Variants in THSD7B observed in about 807,000 individuals in gnomAD.
THSD7B encodes thrombospondin type 1 domain containing 7B.
In THSD7B, 138 loss-of-function variants were observed where a neutral mutation model predicts 213.6. The ratio of observed to expected loss-of-function variants is 0.65; its 90% confidence interval spans 0.56 to 0.74. THSD7B has a LOEUF of 0.74. Among genes scored for constraint, THSD7B ranks in the 30% least tolerant of loss-of-function variants. THSD7B has a pLI of 0.00. For missense variants in THSD7B, 1,931 were observed against 1,991.5 expected, an observed-to-expected ratio of 0.97 and a Z score of 0.58; for synonymous variants, 742 against 687.0, an observed-to-expected ratio of 1.08 and a Z score of -1.25.
chr2:137,069,618 A>G (rs1006178836), intron 3 of THSD7B, among the ~76,000 whole-genome samples: 3 of 151,922 alleles, frequency 2.0e-5, no homozygotes, highest in Non-Finnish European at 2.9e-5. Context: ...AAGGATAATA[A>G]ATTTTAAGAC....
chr2:137,304,897 A>G (rs192603750), intron 12 of THSD7B, among the ~76,000 whole-genome samples: 1 of 152,258 alleles, frequency 6.6e-6, no homozygotes, highest in Non-Finnish European at 1.5e-5. Context: ...CATAATGTAC[A>G]TGAGTAGCTT....
chr2:137,673,438 G>A (rs965138723), intron 27 of THSD7B, among the ~76,000 whole-genome samples: 7 of 152,192 alleles, frequency 4.6e-5, no homozygotes, highest in Admixed American at 4.6e-4. Flanking sequence ...GTCCACCTGG[G>A]CACAGGATGA....
chr2:137,071,315 T>TG (rs764311848), intron 3 of THSD7B, among the ~76,000 whole-genome samples: 8 of 152,248 alleles, frequency 5.3e-5, no homozygotes, highest in Non-Finnish European at 1.0e-4. Context: ...CCAGTGATGA[T>TG]GAGCATTTCT....
In THSD7B at chr2:137,176,376, T is replaced by G. The variant is rs537455323; in HGVS notation, c.1723+5438T>G. ...TTTTTAAGAAAGTAACTATCATTTT[T>G]TCTTATGCTATCAATTTTTTATTTG... On this transcript the variant is annotated intron_variant, in intron 7 of 27. Coordinates refer to ENST00000409968, the MANE Select transcript of THSD7B (RefSeq NM_001316349.2). Among the ~76,000 whole-genome samples the G allele has an allele frequency of 2.8e-4, 42 of 152,348 alleles. 1 individual carries two copies. Among genetic ancestry groups the G allele is most frequent in the Admixed American group, 2.5e-3 (38 of 15,302 alleles).
intron 1 of THSD7B, among the ~76,000 whole-genome samples, chr2:136,802,691 T>G (rs1682212062): frequency 1.0e-5 from 1 of 98,304 alleles, no homozygotes; most frequent in Non-Finnish European, 2.3e-5. Context: ...ATGTAGTATT[T>G]GATCACTGCT....
chr2:137,647,295 A>G (rs574294364), intron 21 of THSD7B, among the ~76,000 whole-genome samples: 2 of 152,296 alleles, frequency 1.3e-5, no homozygotes, highest in East Asian at 1.9e-4. Flanking sequence ...TTTCAAGTGC[A>G]TAGTTGTCAG....
At chr2:137,129,117 C>T (rs1403944114) in intron 5 of THSD7B, among the ~76,000 whole-genome samples, 1 of 151,992 alleles carries the variant, frequency 6.6e-6, no homozygotes, top group Non-Finnish European at 1.5e-5. Context: ...CCTTGAAAAT[C>T]TGTAACCTTT....
At chr2:137,281,000 C>G (rs1429935641) in intron 12 of THSD7B, among the ~76,000 whole-genome samples, 1 of 152,082 alleles carries the variant, frequency 6.6e-6, no homozygotes, top group Non-Finnish European at 1.5e-5. Flanking sequence ...TATACTCTGT[C>G]AGCGACAGAC....
rs540707631 is a variant in THSD7B at position 137,667,689 on chromosome 2, G to T, written c.4652-85G>T. On this transcript the variant is annotated intron_variant, in intron 26 of 27. Coordinates refer to ENST00000409968, the MANE Select transcript of THSD7B (RefSeq NM_001316349.2). Reference sequence around the variant, plus strand: ...GTACAGAACTGATGGTCAGCTTGGGGTTGTCAGATCTGATGTTGCCCTATC... The same window carrying T: ...GTACAGAACTGATGGTCAGCTTGGGTTTGTCAGATCTGATGTTGCCCTATC... The T allele has an allele frequency of 1.7e-4, 182 of 1,094,130 alleles. 1 individual carries two copies. The African/African-American group carries it at 2.7e-3, about 16-fold the overall frequency. The allele number at this position is 1,094,130 out of a possible 1,614,324, so 67.8% of individuals were successfully genotyped here.
At chr2:137,357,271 A>G (rs567753636) in intron 12 of THSD7B, among the ~76,000 whole-genome samples, 19 of 152,320 alleles carry the variant, frequency 1.2e-4, no homozygotes, top group Non-Finnish European at 1.9e-4. Context: ...CTTCAAAGAT[A>G]TATTTCCCTA....
chr2:137,414,860 A>G (rs1487280930), intron 14 of THSD7B, among the ~76,000 whole-genome samples: 1 of 152,132 alleles, frequency 6.6e-6, no homozygotes, highest in South Asian at 2.1e-4. Flanking sequence ...CTTCAAGACC[A>G]GCCTGGCCAA....
At chr2:136,794,262 A>T (rs1682021388) in intron 1 of THSD7B, among the ~76,000 whole-genome samples, 2 of 151,250 alleles carry the variant, frequency 1.3e-5, no homozygotes, top group African/African-American at 4.9e-5. Context: ...TTAAATTTCA[A>T]ATTTTTTTTA....
chr2:137,579,672 A>G (rs1305934084), intron 17 of THSD7B, among the ~76,000 whole-genome samples: 1 of 152,168 alleles, frequency 6.6e-6, no homozygotes, highest in East Asian at 1.9e-4. Flanking sequence ...GTTTTACTTG[A>G]TGCTCAAATT....
intron 16 of THSD7B, among the ~76,000 whole-genome samples, chr2:137,570,065 C>T (rs1455062976): frequency 6.6e-6 from 1 of 151,516 alleles, no homozygotes. Flanking sequence ...TTTCCTTCTA[C>T]TATTGACTTT....
At chr2:137,673,070 G>C (rs1158582120) in intron 27 of THSD7B, among the ~76,000 whole-genome samples, 1 of 152,156 alleles carries the variant, frequency 6.6e-6, no homozygotes, top group African/African-American at 2.4e-5. Flanking sequence ...CCAAAGGCTT[G>C]TCTCTCACAA....
rs542374123 is a variant in THSD7B at position 137,484,423 on chromosome 2, T to C, written c.3138+33400T>C. Among the ~76,000 whole-genome samples, 113 of 126,126 alleles carry C rather than the reference T, an allele frequency of 9.0e-4. 1 individual carries two copies. The highest frequency in any genetic ancestry group is 3.3e-3 in the African/African-American group (106 of 32,378). The allele number at this position is 126,126 out of a possible 152,430, so 82.7% of individuals were successfully genotyped here. ...ATTTTCTTAATCCAGTCTATCATTG[T>C]TGGACATTTGGGTTGGTTCCAAGTC... On this transcript the variant is annotated intron_variant, in intron 15 of 27. Transcript: ENST00000409968.
chr2:137,272,747 G>A, intron 11 of THSD7B, 85 bp downstream of exon 11: 9 of 1,418,242 alleles, frequency 6.3e-6, no homozygotes, highest in Admixed American at 2.3e-5. Flanking sequence ...GTCGTTTGGT[G>A]AAAAATAAGT....
At chr2:136,966,426 AG>A (rs1685314904) in intron 2 of THSD7B, among the ~76,000 whole-genome samples, 1 of 152,140 alleles carries the variant, frequency 6.6e-6, no homozygotes, top group African/African-American at 2.4e-5. Flanking sequence ...CGTATCACTC[AG>A]GGTGGTCTCA....
intron 2 of THSD7B, among the ~76,000 whole-genome samples, chr2:137,049,236 G>A (rs552049849): frequency 6.6e-5 from 10 of 152,218 alleles, no homozygotes; most frequent in South Asian, 4.1e-4. Context: ...GACGGGTGGC[G>A]GGGCCTTCGG....
Sources: gnomAD v4.1 joint callset for allele counts (sites outside exome capture counted in the v4.1 genomes callset) on GRCh38, gnomAD v4.1.1 for gene constraint, MANE v1.5 for transcripts, NCBI Gene and HGNC (gene_info 2026-07-23, HGNC 2026-07-21) for gene names.